GAN: variants seen among roughly 807,000 people sequenced by gnomAD.
GAN encodes the protein epididymis secretory sperm binding protein.
GAN carries 48 observed loss-of-function variants against 71.3 expected under a neutral mutation model. That is an observed-to-expected ratio of 0.67 (90% CI 0.53 to 0.86). The LOEUF is 0.86. GAN is among the 40% of genes least tolerant of loss of function. GAN has a pLI of 0.00. For synonymous variants in GAN, 386 were observed against 276.8 expected (o/e 1.39, Z -3.92); for missense variants, 928 against 770.1 (o/e 1.21, Z -2.43).
chr16:81,337,746 A>G (rs1909811373), intron 1 of GAN, among the ~76,000 whole-genome samples: 1 of 152,240 alleles, frequency 6.6e-6, no homozygotes, highest in African/African-American at 2.4e-5. Context: ...TATTGTCAAG[A>G]AAAAGTAACG....
chr16:81,340,264 C>A (rs996446051), intron 1 of GAN, among the ~76,000 whole-genome samples: 1 of 152,118 alleles, frequency 6.6e-6, no homozygotes, highest in Non-Finnish European at 1.5e-5. Context: ...TAGAAATGAT[C>A]CTCTTTCATT....
At chr16:81,345,460 G>A (rs539022657) in intron 1 of GAN, among the ~76,000 whole-genome samples, 231 of 152,268 alleles carry the variant, frequency 1.5e-3, no homozygotes, top group Non-Finnish European at 2.6e-3. Context: ...CATGGATGAA[G>A]CTGGAAACCA....
At chr16:81,325,199 G>A (rs184292993) in intron 1 of GAN, among the ~76,000 whole-genome samples, 12 of 152,358 alleles carry the variant, frequency 7.9e-5, no homozygotes, top group Admixed American at 7.8e-4. Flanking sequence ...AAGTTTTACA[G>A]CTTAGTTGTG....
rs372398691 is a variant in GAN at position 81,365,566 on chromosome 16, C to T, written c.1502+88C>T. On this transcript the variant is annotated intron_variant, in intron 9 of 10. Transcript: ENST00000648994. The stretch of plus-strand genomic sequence containing the variant: ...AGCTTTGTTTAGTTTTGTTTTCAGT[C>T]ACTTTATTAAATTATGGATTTAGGA... 399 of 1,309,914 alleles carry T rather than the reference C, an allele frequency of 3.0e-4. 3 individuals are homozygous for T. The African/African-American group carries it at 4.6e-3, about 15-fold the overall frequency. 81.1% of individuals were successfully genotyped at this position (1,309,914 alleles called of 1,614,324 possible).
intron 1 of GAN, among the ~76,000 whole-genome samples, chr16:81,338,693 A>C (rs192608913): frequency 6.6e-6 from 1 of 152,310 alleles, no homozygotes; most frequent in East Asian, 1.9e-4. Flanking sequence ...GAATAAGACA[A>C]GTTTGTGTAG....
chr16:81,356,159 G>A (rs1333410742), intron 3 of GAN, among the ~76,000 whole-genome samples: 1 of 152,196 alleles, frequency 6.6e-6, no homozygotes, highest in Non-Finnish European at 1.5e-5. Flanking sequence ...TGTAAAGACA[G>A]TTGATTTTTA....
chr16:81,356,884 G>A lies in GAN; in HGVS notation c.733G>A (p.Val245Ile). ...GAATGAACCATTAGTACGAGAAATTGTCAAAGAGTGTAGCAATATACCGCT... is the reference window on the plus strand; with the variant it reads ...GAATGAACCATTAGTACGAGAAATTATCAAAGAGTGTAGCAATATACCGCT... ...MLNEPLVREI[V>I]KECSNIPLSQ... The change falls in exon 4 of 11, where the codon GTC becomes ATC. Residue 245 changes from valine (V) to isoleucine (I), a missense_variant. Transcript: ENST00000648994. 2.5e-6 allele frequency: 4 copies of A among 1,613,914 alleles called. No homozygotes were observed. Among genetic ancestry groups the A allele is most frequent in the Non-Finnish European group, 2.5e-6 (3 of 1,179,836 alleles).
In GAN at chr16:81,322,804, C is replaced by G. The variant is rs549765789; in HGVS notation, c.167+7524C>G. 2.0e-4 allele frequency among the ~76,000 whole-genome samples: 31 copies of G among 152,282 alleles called. No individual in the cohort carries two copies. The South Asian group carries it at 5.6e-3, about 28-fold the overall frequency. On this transcript the variant is annotated intron_variant, in intron 1 of 10. Coordinates refer to ENST00000648994, the MANE Select transcript of GAN (RefSeq NM_022041.4). ...TATTACTGAGCTCAAAATATTTGCA[C>G]TTTTGTCACTTAAATTGTTTATATT...
chr16:81,361,184 C>T (rs1247097232), intron 5 of GAN, among the ~76,000 whole-genome samples: 2 of 152,088 alleles, frequency 1.3e-5, no homozygotes, highest in African/African-American at 4.8e-5. Context: ...GTGATTGCAC[C>T]ACTGCCCTCC....
In GAN at chr16:81,357,948, A is replaced by G. The variant is rs145497848; in HGVS notation, c.973+17A>G. Reference sequence around the variant, plus strand: ...TCTCAGCAGGTACCGTTCTGTGGCAAATTTTCCTTAAACAGCAGATCAAGT... The same window carrying G: ...TCTCAGCAGGTACCGTTCTGTGGCAGATTTTCCTTAAACAGCAGATCAAGT... On this transcript the variant is annotated intron_variant, in intron 5 of 10. Transcript: ENST00000648994. 1.2e-6 allele frequency: 2 copies of G among 1,611,408 alleles called. No individual in the cohort carries two copies. Among genetic ancestry groups the G allele is most frequent in the Admixed American group, 1.7e-5 (1 of 59,988 alleles).
intron 7 of GAN, among the ~76,000 whole-genome samples, chr16:81,364,209 G>A (rs1190869439): frequency 1.3e-5 from 2 of 152,104 alleles, no homozygotes; most frequent in Non-Finnish European, 2.9e-5. Flanking sequence ...TGCAAATGGT[G>A]CAGCAGCCAC....
chr16:81,354,825 A>G, intron 3 of GAN, 70 bp downstream of exon 3: 1 of 882,926 alleles, frequency 1.1e-6, no homozygotes, highest in Non-Finnish European at 1.9e-6. Context: ...TAGTTGTTTT[A>G]TTTTTCTTCT....
chr16:81,349,461 T>C (rs1428644522), intron 1 of GAN, among the ~76,000 whole-genome samples: 1 of 152,054 alleles, frequency 6.6e-6, no homozygotes, highest in Non-Finnish European at 1.5e-5. Context: ...CCGGGCAAGA[T>C]GGTGAAACCC....
chr16:81,370,521 G>C (rs1911005205), intron 9 of GAN, among the ~76,000 whole-genome samples: 1 of 152,362 alleles, frequency 6.6e-6, no homozygotes, highest in South Asian at 2.1e-4. Context: ...TAGGGCAGAG[G>C]GAAAACACCC....
At chr16:81,334,877 C>G (rs763223560) in intron 1 of GAN, among the ~76,000 whole-genome samples, 4 of 152,186 alleles carry the variant, frequency 2.6e-5, no homozygotes, top group South Asian at 4.1e-4. Context: ...GCTCATTTAT[C>G]AAGTCAATTC....
chr16:81,362,155 G>A (rs968333405), intron 5 of GAN, among the ~76,000 whole-genome samples: 2 of 152,258 alleles, frequency 1.3e-5, no homozygotes, highest in African/African-American at 2.4e-5. Context: ...TGTGCGCTGC[G>A]GTGCAAAAGT....
intron 1 of GAN, among the ~76,000 whole-genome samples, chr16:81,326,927 A>G (rs12597273): frequency 0.32 from 47,990 of 152,222 alleles, 8,607 homozygotes; most frequent in East Asian, 0.71. Flanking sequence ...GTAAAAGGTC[A>G]GAGTTCAGGA....
intron 1 of GAN, among the ~76,000 whole-genome samples, chr16:81,316,074 A>C (rs568938408): frequency 6.6e-6 from 1 of 152,248 alleles, no homozygotes; most frequent in Non-Finnish European, 1.5e-5. Flanking sequence ...TGATTTGCCA[A>C]CTCAACTAAC....
intron 1 of GAN, among the ~76,000 whole-genome samples, chr16:81,350,167 A>G (rs539035878): frequency 9.6e-4 from 146 of 152,248 alleles, no homozygotes; most frequent in African/African-American, 3.2e-3. Flanking sequence ...GAACTCCTAC[A>G]CCGCAATGTG....
Sources: gnomAD v4.1 joint callset for allele counts (sites outside exome capture counted in the v4.1 genomes callset) on GRCh38, gnomAD v4.1.1 for gene constraint, MANE v1.5 for transcripts, NCBI Gene and HGNC (gene_info 2026-07-23, HGNC 2026-07-21) for gene names.